The following MYO1B variants were observed in gnomAD, a reference collection of about 807,000 sequenced individuals.
The protein encoded by MYO1B is unconventional myosin-Ib.
MYO1B carries 72 observed loss-of-function variants against 159.7 expected under a neutral mutation model. That is an observed-to-expected ratio of 0.45 (90% confidence interval 0.37 to 0.55). MYO1B has a LOEUF of 0.55. MYO1B is among the 20% of genes least tolerant of loss of function. The probability of loss-of-function intolerance (pLI) is 0.00; values close to 1 mark genes in which losing one functional copy is unlikely to be tolerated. For synonymous variants in MYO1B, 468 were observed against 473.8 expected (o/e 0.99, Z 0.16); for missense variants, 1,062 against 1,364.8 (o/e 0.78, Z 3.50).
intron 1 of MYO1B, among the ~76,000 whole-genome samples, chr2:191,253,124 G>C (rs978699849): frequency 1.3e-5 from 2 of 152,006 alleles, no homozygotes; most frequent in Non-Finnish European, 2.9e-5. Context: ...CCTGTAAAAA[G>C]GGTTCCTTGG....
intron 7 of MYO1B, 70 bp from the exon 8 acceptor site, chr2:191,360,561 G>A: frequency 1.1e-6 from 1 of 924,920 alleles, no homozygotes; most frequent in Non-Finnish European, 1.7e-6. Context: ...AAGAAAGTGA[G>A]AAGGAAAAAA....
chr2:191,262,765 C>T (rs984313113), intron 1 of MYO1B, among the ~76,000 whole-genome samples: 6 of 152,108 alleles, frequency 3.9e-5, no homozygotes, highest in Non-Finnish European at 7.4e-5. Flanking sequence ...GCCAGGTCAC[C>T]GTCTTCTGAA....
chr2:191,338,076 A>T (rs1691971477), intron 4 of MYO1B, among the ~76,000 whole-genome samples: 1 of 152,146 alleles, frequency 6.6e-6, no homozygotes, highest in Non-Finnish European at 1.5e-5. Flanking sequence ...TTACTGGTTT[A>T]TTAATTTCTC....
At chr2:191,397,463 A>G (rs1356866620) in intron 21 of MYO1B, among the ~76,000 whole-genome samples, 2 of 151,938 alleles carry the variant, frequency 1.3e-5, no homozygotes, top group African/African-American at 2.4e-5. Context: ...AATCCATTTA[A>G]CCCTGAGTGG....
intron 29 of MYO1B, 86 bp downstream of exon 29, chr2:191,414,755 T>G: frequency 1.4e-6 from 2 of 1,429,514 alleles, no homozygotes; most frequent in South Asian, 3.2e-5. Flanking sequence ...TATCGCAGTT[T>G]ATATATCTGC....
At chr2:191,309,544 A>C (rs1380113967) in intron 3 of MYO1B, among the ~76,000 whole-genome samples, 1 of 152,254 alleles carries the variant, frequency 6.6e-6, no homozygotes, top group East Asian at 1.9e-4. Flanking sequence ...AACCTGCAGC[A>C]ACTCCCTTGT....
rs1698143773 is a variant in MYO1B, at chr2:191,425,045, G to A, written c.*1085G>A. On this transcript the variant is annotated 3_prime_UTR_variant, in exon 31 of 31. Coordinates refer to ENST00000392318, the MANE Select transcript of MYO1B (RefSeq NM_001130158.3). The stretch of plus-strand genomic sequence containing the variant: ...TCTTTCTTTTTCTTCAAATTTACAA[G>A]GGTTCATTTTGGAAACTACATTTTA... The A allele has an allele frequency of 6.6e-6, 1 of 152,244 alleles. No individual in the cohort carries two copies. Among genetic ancestry groups the A allele is most frequent in the South Asian group, 2.1e-4 (1 of 4,824 alleles). 9.4% of individuals were successfully genotyped at this position (152,244 alleles called of 1,614,324 possible). A position where few individuals can be genotyped will look rare whatever the true frequency, so the allele number is the denominator to read the frequency against.
At position 191,397,128 on chromosome 2, in the gene MYO1B, C is replaced by CTTTTTTTTT. The variant is rs796198342; in HGVS notation, c.2295+652_2295+660dup. Among the ~76,000 whole-genome samples, 45 of 32,260 alleles carry CTTTTTTTTT rather than the reference C, an allele frequency of 1.4e-3. 1 individual carries two copies. Among genetic ancestry groups the CTTTTTTTTT allele is most frequent in the African/African-American group, 1.9e-3 (28 of 15,080 alleles). The allele number at this position is 32,260 out of a possible 152,430, so 21.2% of individuals were successfully genotyped here. A position where few individuals can be genotyped will look rare whatever the true frequency, so the allele number is the denominator to read the frequency against. On this transcript the variant is annotated intron_variant, in intron 21 of 30. Transcript: ENST00000392318. ...TTAAAAAAGCAAAAGAAGATGATTT[C>CTTTTTTTTT]TTTTTTTTTTTTTTTTTTTTTTTTT...
At chr2:191,393,503 A>T (rs1286301187) in intron 20 of MYO1B, among the ~76,000 whole-genome samples, 2 of 152,182 alleles carry the variant, frequency 1.3e-5, no homozygotes, top group African/African-American at 4.8e-5. Context: ...CCTTTCACTG[A>T]TCTAGCTGTA....
intron 3 of MYO1B, among the ~76,000 whole-genome samples, chr2:191,299,966 A>C (rs1689209898): frequency 6.6e-6 from 1 of 152,232 alleles, no homozygotes; most frequent in Non-Finnish European, 1.5e-5. Flanking sequence ...TGTTGTAATA[A>C]TAAGGTATGT....
In MYO1B at chr2:191,320,901, C is replaced by T. The variant is rs1260026265; in HGVS notation, c.252-9034C>T. 3.3e-5 allele frequency among the ~76,000 whole-genome samples: 5 copies of T among 152,070 alleles called. No homozygotes were observed. In the South Asian group the frequency reaches 1.0e-3, roughly 32 times the overall value. Reference sequence around the variant, plus strand: ...GGTTCCAGTTCAAATGGCATCTCTGCCTATTGCCTTCTGTGATAACCTGAG... The same window carrying T: ...GGTTCCAGTTCAAATGGCATCTCTGTCTATTGCCTTCTGTGATAACCTGAG... On this transcript the variant is annotated intron_variant, in intron 3 of 30. Coordinates refer to ENST00000392318, the MANE Select transcript of MYO1B (RefSeq NM_001130158.3).
At chr2:191,258,525 C>T (rs1040652234) in intron 1 of MYO1B, among the ~76,000 whole-genome samples, 2 of 152,168 alleles carry the variant, frequency 1.3e-5, no homozygotes, top group Non-Finnish European at 2.9e-5. Context: ...CATGACGTCA[C>T]TAGTCGATAG....
At chr2:191,327,992 G>A (rs906356452) in intron 3 of MYO1B, among the ~76,000 whole-genome samples, 9 of 152,206 alleles carry the variant, frequency 5.9e-5, no homozygotes, top group African/African-American at 2.2e-4. Flanking sequence ...TGGAAGGTAA[G>A]ATATGCTGGC....
intron 21 of MYO1B, among the ~76,000 whole-genome samples, chr2:191,400,149 CAG>C (rs1361176338): frequency 6.6e-6 from 1 of 152,098 alleles, no homozygotes; most frequent in African/African-American, 2.4e-5. Flanking sequence ...CATTGTGTAT[CAG>C]GGTACGGGAG....
chr2:191,415,705 CA>C (rs1697521047), intron 29 of MYO1B, among the ~76,000 whole-genome samples: 1 of 152,058 alleles, frequency 6.6e-6, no homozygotes, highest in Admixed American at 6.5e-5. Context: ...GGGTTTTAAC[CA>C]AATCACTGAA....
intron 3 of MYO1B, among the ~76,000 whole-genome samples, chr2:191,315,882 G>C (rs967499120): frequency 2.6e-5 from 4 of 152,348 alleles, no homozygotes; most frequent in African/African-American, 9.6e-5. Flanking sequence ...TTGGCTGTCT[G>C]TTAGAACCAG....
intron 7 of MYO1B, among the ~76,000 whole-genome samples, chr2:191,351,444 A>C (rs1210138801): frequency 6.9e-6 from 1 of 144,318 alleles, no homozygotes; most frequent in Non-Finnish European, 1.5e-5. Context: ...TAATTTGGTC[A>C]AACTATGCAG....
chr2:191,394,672 T>C (rs532657907), intron 20 of MYO1B, among the ~76,000 whole-genome samples: 1 of 151,914 alleles, frequency 6.6e-6, no homozygotes, highest in South Asian at 2.1e-4. Flanking sequence ...TAAGCTAGAG[T>C]GGTCAAGGAG....
At chr2:191,322,272 G>T (rs1487406211) in intron 3 of MYO1B, among the ~76,000 whole-genome samples, 7 of 152,124 alleles carry the variant, frequency 4.6e-5, no homozygotes, top group Admixed American at 4.6e-4. Flanking sequence ...CCAAAGAGCG[G>T]CTTCCAGGCC....
Sources: allele counts gnomAD v4.1 joint callset (sites outside exome capture counted in the v4.1 genomes callset), GRCh38; gene constraint gnomAD v4.1.1; transcripts MANE v1.5; gene names NCBI Gene and HGNC (gene_info 2026-07-23, HGNC 2026-07-21).